The following DUSP14 variants were observed in gnomAD, a reference collection of about 807,000 sequenced individuals.
The protein encoded by DUSP14 is dual specificity protein phosphatase 14.
A neutral mutation model predicts 13.2 loss-of-function variants in DUSP14; 5 were observed. That is an observed-to-expected ratio of 0.38 (90% CI 0.20 to 0.80). The LOEUF (loss-of-function observed/expected upper bound fraction) is 0.80, where lower values mean the gene tolerates loss of function less well. DUSP14 is among the 30% of genes least tolerant of loss of function. DUSP14 has a pLI of 0.44. For missense variants in DUSP14, 185 were observed against 264.0 expected, an observed-to-expected ratio of 0.70 and a Z score of 2.07; for synonymous variants, 91 against 103.4, an observed-to-expected ratio of 0.88 and a Z score of 0.73.
At chr17:37,494,857 T>A (rs2054053209) in intron 1 of DUSP14, among the ~76,000 whole-genome samples, 1 of 152,218 alleles carries the variant, frequency 6.6e-6, no homozygotes, top group Admixed American at 6.5e-5. Context: ...GTAGATCCTT[T>A]TTATTTCTTC....
chr17:37,495,335 T>G (rs1435469294), intron 1 of DUSP14, among the ~76,000 whole-genome samples: 3 of 152,172 alleles, frequency 2.0e-5, no homozygotes, highest in Non-Finnish European at 4.4e-5. Flanking sequence ...TGGGTCAGCT[T>G]TTCACACCCC....
upstream of DUSP14, chr17:37,489,884 C>T (rs2054013957): frequency 6.8e-6 from 1 of 147,842 alleles, no homozygotes; most frequent in Non-Finnish European, 1.5e-5. Flanking sequence ...CGCGCGGCGC[C>T]CAGCCCGCAG....
Position 37,512,942 on chromosome 17 carries a change from C to T in DUSP14, c.*73C>T. 1 of 1,288,454 alleles carries T rather than the reference C, an allele frequency of 7.8e-7. No homozygotes were observed. Among genetic ancestry groups the T allele is most frequent in the South Asian group, 1.4e-5 (1 of 70,480 alleles). 79.8% of individuals were successfully genotyped at this position (1,288,454 alleles called of 1,614,324 possible). A position where few individuals can be genotyped will look rare whatever the true frequency, so the allele number is the denominator to read the frequency against. ...CCCCGCCGTCTGCTCCCTCTCCACT[C>T]TCTTCTCAAATGGCTGACTTCTGGT... On this transcript the variant is annotated 3_prime_UTR_variant, in exon 3 of 3. Transcript: ENST00000617516. The surrounding 1 kb of genome is among the most constrained non-coding windows in gnomAD (Gnocchi z 4.8).
intron 1 of DUSP14, among the ~76,000 whole-genome samples, chr17:37,503,027 G>A (rs1051701046): frequency 2.0e-5 from 3 of 152,004 alleles, no homozygotes; most frequent in South Asian, 4.2e-4. Context: ...TGAGCTCCAC[G>A]CCCAGCCTTT....
At chr17:37,498,899 C>T (rs2054086954) in intron 1 of DUSP14, among the ~76,000 whole-genome samples, 1 of 152,140 alleles carries the variant, frequency 6.6e-6, no homozygotes, top group Non-Finnish European at 1.5e-5. Context: ...TGCATTCTAA[C>T]AGGCAGCCCA....
chr17:37,496,483 C>T (rs919288333), intron 1 of DUSP14, among the ~76,000 whole-genome samples: 5 of 152,050 alleles, frequency 3.3e-5, no homozygotes, highest in Non-Finnish European at 5.9e-5. Context: ...AGGCCGGGCA[C>T]GGTAGCTCAT....
chr17:37,511,210 A>G (rs986464697), intron 2 of DUSP14, among the ~76,000 whole-genome samples: 12 of 152,080 alleles, frequency 7.9e-5, no homozygotes, highest in Admixed American at 2.6e-4. Context: ...TGGCCTTCAA[A>G]TTGCCTGGGA....
At chr17:37,489,389 T>A (rs193281184), upstream of DUSP14, among the ~76,000 whole-genome samples, 1 of 152,242 alleles carries the variant, frequency 6.6e-6, no homozygotes, top group Non-Finnish European at 1.5e-5. Context: ...GCCGCGCTAC[T>A]GATTTTCCCT....
At chr17:37,510,936 C>G (rs190111930) in intron 2 of DUSP14, among the ~76,000 whole-genome samples, 172 bp downstream of exon 2, 4 of 151,728 alleles carry the variant, frequency 2.6e-5, no homozygotes, top group Non-Finnish European at 5.9e-5. Flanking sequence ...ACGGATGTAT[C>G]TAAGATCTCA....
intron 1 of DUSP14, among the ~76,000 whole-genome samples, chr17:37,499,809 C>T (rs765004300): frequency 2.6e-5 from 4 of 152,106 alleles, no homozygotes; most frequent in Non-Finnish European, 4.4e-5. Context: ...GGATTACAGG[C>T]GTGAGCCACC....
In DUSP14 at chr17:37,511,938, C is replaced by CTTTTTTTTTTTTTTTTTT. The variant is rs58893696; in HGVS notation, c.-92-242_-92-225dup. ...GCCCAGCCACCCCCCCCCCACCCCA[C>CTTTTTTTTTTTTTTTTTT]TTTTTTTTTTTTTTTTTTGGACAAT... is the stretch of plus-strand genomic sequence containing the variant. On this transcript the variant is annotated intron_variant, in intron 2 of 2. Coordinates refer to ENST00000617516, the MANE Select transcript of DUSP14 (RefSeq NM_007026.4). Among the ~76,000 whole-genome samples, 15 of 38,254 alleles carry CTTTTTTTTTTTTTTTTTT rather than the reference C, an allele frequency of 3.9e-4. 1 individual carries two copies. The highest frequency in any genetic ancestry group is 9.5e-4 in the Admixed American group (2 of 2,112). The allele number at this position is 38,254 out of a possible 152,430, so 25.1% of individuals were successfully genotyped here. A position where few individuals can be genotyped will look rare whatever the true frequency, so the allele number is the denominator to read the frequency against.
At chr17:37,489,888 C>T (rs1299016863), upstream of DUSP14, 1 of 148,250 alleles carries the variant, frequency 6.7e-6, no homozygotes, top group Non-Finnish European at 1.5e-5. Context: ...CGGCGCCCAG[C>T]CCGCAGAAGC....
Position 37,512,204 on chromosome 17 carries a change from C to A in DUSP14, c.-69C>A. ...AGGAAGGAGACTCTAATTTTGGATT[C>A]CTTGGTGGAGGAAAATAAAACACTC... On this transcript the variant is annotated 5_prime_UTR_variant, in exon 3 of 3. Transcript: ENST00000617516. The surrounding 1 kb of genome is among the most constrained non-coding windows in gnomAD (Gnocchi z 4.8). 1 of 1,371,968 alleles carries A rather than the reference C, an allele frequency of 7.3e-7. No homozygotes were observed. Among genetic ancestry groups the A allele is most frequent in the Non-Finnish European group, 9.9e-7 (1 of 1,005,918 alleles). 85.0% of individuals were successfully genotyped at this position (1,371,968 alleles called of 1,614,324 possible). A position where few individuals can be genotyped will look rare whatever the true frequency, so the allele number is the denominator to read the frequency against.
At chr17:37,506,403 C>T (rs1366917703) in intron 1 of DUSP14, among the ~76,000 whole-genome samples, 2 of 152,020 alleles carry the variant, frequency 1.3e-5, no homozygotes, top group African/African-American at 4.8e-5. Context: ...TTTTTTCCTC[C>T]AAGAAGCACG....
At chr17:37,498,643 C>T (rs954824642) in intron 1 of DUSP14, among the ~76,000 whole-genome samples, 1 of 151,194 alleles carries the variant, frequency 6.6e-6, no homozygotes, top group African/African-American at 2.4e-5. Context: ...TATCTTAAAT[C>T]CAAATGACTA....
intron 1 of DUSP14, among the ~76,000 whole-genome samples, chr17:37,506,974 A>C (rs2054142191): frequency 6.6e-6 from 1 of 152,172 alleles, no homozygotes; most frequent in African/African-American, 2.4e-5. Context: ...GGTGGTGTGG[A>C]GCGCCGCGAG....
intron 1 of DUSP14, among the ~76,000 whole-genome samples, chr17:37,495,913 C>A (rs569597581): frequency 6.6e-6 from 1 of 152,282 alleles, no homozygotes; most frequent in Non-Finnish European, 1.5e-5. Flanking sequence ...CTGCCTCGGA[C>A]CCCCAAAGTG....
chr17:37,509,391 C>T (rs2054168334), intron 1 of DUSP14, among the ~76,000 whole-genome samples: 1 of 145,792 alleles, frequency 6.9e-6, no homozygotes, highest in Admixed American at 6.9e-5. Flanking sequence ...ATTTCGGCTC[C>T]ACTGCAACCT....
intron 1 of DUSP14, among the ~76,000 whole-genome samples, chr17:37,490,308 C>A (rs1021157595): frequency 5.3e-5 from 8 of 152,160 alleles, no homozygotes; most frequent in African/African-American, 1.9e-4. Context: ...CTTCCGACCC[C>A]GCTGAGGCCG....
Sources: allele counts gnomAD v4.1 joint callset (sites outside exome capture counted in the v4.1 genomes callset), GRCh38; gene constraint gnomAD v4.1.1; non-coding constraint Gnocchi (gnomAD v3.1); transcripts MANE v1.5; gene names NCBI Gene and HGNC (gene_info 2026-07-23, HGNC 2026-07-21).